The following ERC1 variants were observed in gnomAD, a reference collection of about 807,000 sequenced individuals.
ERC1 encodes the protein RAB6 interacting protein 2.
A neutral mutation model predicts 132.0 loss-of-function variants in ERC1; 56 were observed. The observed-to-expected ratio is 0.42, with a 90% confidence interval of 0.34 to 0.53. The LOEUF (loss-of-function observed/expected upper bound fraction) is 0.53, where lower values mean the gene tolerates loss of function less well. Among genes scored for constraint, ERC1 ranks in the 20% least tolerant of loss-of-function variants. ERC1 has a pLI of 0.03. For missense variants in ERC1, 1,202 were observed against 1,349.9 expected, an observed-to-expected ratio of 0.89 and a Z score of 1.72; for synonymous variants, 478 against 476.1, an observed-to-expected ratio of 1.00 and a Z score of -0.05.
At chr12:1,181,746 A>G (rs979822681) in intron 9 of ERC1, among the ~76,000 whole-genome samples, 179 bp from the exon 10 acceptor site, 3 of 151,448 alleles carry the variant, frequency 2.0e-5, no homozygotes, top group Non-Finnish European at 4.4e-5. Context: ...TCACGCCATT[A>G]CACTCGAGCC....
At chr12:1,397,385 T>C (rs959455884) in intron 16 of ERC1, among the ~76,000 whole-genome samples, 4 of 152,212 alleles carry the variant, frequency 2.6e-5, no homozygotes, top group African/African-American at 9.6e-5. Context: ...ATATTTATAA[T>C]AGCAACAGAT....
intron 6 of ERC1, among the ~76,000 whole-genome samples, 179 bp downstream of exon 6, chr12:1,112,477 A>G (rs1185924933): frequency 2.0e-5 from 3 of 152,052 alleles, no homozygotes; most frequent in Non-Finnish European, 2.9e-5. Flanking sequence ...TTTGACCCAC[A>G]TGTCACTTTG....
intron 15 of ERC1, among the ~76,000 whole-genome samples, chr12:1,300,027 A>G (rs2080268801): frequency 6.6e-6 from 1 of 152,226 alleles, no homozygotes; most frequent in African/African-American, 2.4e-5. Context: ...AAGCAAAAAG[A>G]ACAAAGCTGG....
intron 15 of ERC1, among the ~76,000 whole-genome samples, chr12:1,292,321 T>A (rs921614803): frequency 2.6e-5 from 4 of 152,216 alleles, no homozygotes; most frequent in Admixed American, 6.5e-5. Context: ...TAGCCTCCTA[T>A]ATGCAGGCAG....
At chr12:1,342,860 A>C (rs2084053660) in intron 15 of ERC1, among the ~76,000 whole-genome samples, 1 of 152,232 alleles carries the variant, frequency 6.6e-6, no homozygotes, top group Admixed American at 6.5e-5. Flanking sequence ...TTCTATAGCA[A>C]GGAAGTGATG....
chr12:1,194,973 G>A (rs1419718569), intron 12 of ERC1, among the ~76,000 whole-genome samples: 2 of 151,806 alleles, frequency 1.3e-5, no homozygotes, highest in African/African-American at 4.8e-5. Flanking sequence ...GGCAGGGTGT[G>A]TTTTGAAATT....
At chr12:1,400,326 A>G (rs2090911444) in intron 16 of ERC1, among the ~76,000 whole-genome samples, 1 of 152,194 alleles carries the variant, frequency 6.6e-6, no homozygotes. Flanking sequence ...CAAGTCCTTT[A>G]TCATATATAT....
At chr12:1,477,385 G>A (rs2093995869) in intron 18 of ERC1, among the ~76,000 whole-genome samples, 1 of 152,174 alleles carries the variant, frequency 6.6e-6, no homozygotes, top group Non-Finnish European at 1.5e-5. Context: ...TCGCTAAGCA[G>A]AGGATCTAAG....
intron 15 of ERC1, among the ~76,000 whole-genome samples, chr12:1,361,790 A>G (rs1464151628): frequency 2.0e-5 from 3 of 152,222 alleles, no homozygotes; most frequent in Non-Finnish European, 2.9e-5. Flanking sequence ...CTTACTATCA[A>G]CTCATCAACA....
chr12:1,191,393 A>G (rs1036760999), intron 12 of ERC1, among the ~76,000 whole-genome samples: 6 of 152,156 alleles, frequency 3.9e-5, no homozygotes, highest in Non-Finnish European at 8.8e-5. Context: ...TGAAATCTGC[A>G]ACAGTACTGC....
intron 17 of ERC1, among the ~76,000 whole-genome samples, chr12:1,409,861 A>G (rs910177249): frequency 2.0e-5 from 3 of 152,072 alleles, no homozygotes; most frequent in Non-Finnish European, 4.4e-5. Flanking sequence ...GGCACCTGCC[A>G]CCATGCCTGG....
intron 2 of ERC1, among the ~76,000 whole-genome samples, chr12:1,041,677 A>G (rs1970239376): frequency 6.6e-6 from 1 of 152,256 alleles, no homozygotes; most frequent in Admixed American, 6.5e-5. Flanking sequence ...TGTGACATCA[A>G]CATGGATTAA....
At chr12:1,355,377 G>A (rs1233009929) in intron 15 of ERC1, among the ~76,000 whole-genome samples, 1 of 152,078 alleles carries the variant, frequency 6.6e-6, no homozygotes, top group Non-Finnish European at 1.5e-5. Context: ...CATGGGCCAT[G>A]GGCTGGCTTT....
At chr12:1,057,535 T>A (rs1018957521) in intron 2 of ERC1, among the ~76,000 whole-genome samples, 3 of 151,868 alleles carry the variant, frequency 2.0e-5, no homozygotes, top group Non-Finnish European at 4.4e-5. Context: ...TACTTTTTTT[T>A]TAAAAAGGTG....
intron 15 of ERC1, among the ~76,000 whole-genome samples, chr12:1,365,578 C>T (rs2086583601): frequency 6.6e-6 from 1 of 152,144 alleles, no homozygotes; most frequent in Non-Finnish European, 1.5e-5. Context: ...TAAGCACAGG[C>T]TTTGGGCAAA....
intron 11 of ERC1, among the ~76,000 whole-genome samples, chr12:1,188,498 A>G (rs536261659): frequency 1.3e-5 from 2 of 152,358 alleles, no homozygotes; most frequent in African/African-American, 4.8e-5. Context: ...GACAACATTC[A>G]GTGCAGAACA....
chr12:1,315,806 G>C (rs902517657), intron 15 of ERC1, among the ~76,000 whole-genome samples: 4 of 152,200 alleles, frequency 2.6e-5, no homozygotes, highest in African/African-American at 9.6e-5. Flanking sequence ...GAAAGACAGT[G>C]AAGTGAATCA....
intron 2 of ERC1, among the ~76,000 whole-genome samples, chr12:1,077,697 A>G (rs1222855692): frequency 6.6e-6 from 1 of 152,222 alleles, no homozygotes; most frequent in Non-Finnish European, 1.5e-5. Context: ...TTCTAGTATT[A>G]TCTTACAACT....
At chr12:1,224,047 G>GT (rs1464254874) in intron 12 of ERC1, among the ~76,000 whole-genome samples, 1 of 152,060 alleles carries the variant, frequency 6.6e-6, no homozygotes, top group African/African-American at 2.4e-5. Flanking sequence ...GTCTCAGAAT[G>GT]TTTTTTCCTA....
Sources: allele counts gnomAD v4.1 joint callset (sites outside exome capture counted in the v4.1 genomes callset), GRCh38; gene constraint gnomAD v4.1.1; transcripts MANE v1.5; gene names NCBI Gene and HGNC (gene_info 2026-07-23, HGNC 2026-07-21).